Variants in CDH3 observed in about 807,000 individuals in gnomAD.
The protein encoded by CDH3 is cadherin 3.
Under a neutral mutation model 82.0 loss-of-function variants are expected in CDH3, and 54 were observed. That is an observed-to-expected ratio of 0.66 (90% confidence interval 0.53 to 0.83). The LOEUF is 0.83. CDH3 is among the 40% of genes least tolerant of loss of function. CDH3 has a pLI of 0.00. For synonymous variants in CDH3, 446 were observed against 437.9 expected (o/e 1.02, Z -0.23); for missense variants, 1,054 against 1,084.6 (o/e 0.97, Z 0.40).
downstream of CDH3, among the ~76,000 whole-genome samples, chr16:68,731,351 A>G (rs1206287602): frequency 2.0e-5 from 2 of 97,796 alleles, no homozygotes; most frequent in East Asian, 3.1e-4. Context: ...CTGGGCAACA[A>G]GAGTGAAACT....
intron 2 of CDH3, among the ~76,000 whole-genome samples, chr16:68,669,331 A>G (rs1298505892): frequency 6.6e-6 from 1 of 152,172 alleles, no homozygotes; most frequent in Non-Finnish European, 1.5e-5. Context: ...CCCAACTCAA[A>G]GCAGTTTAGA....
At chr16:68,648,583 C>A (rs1960148063) in intron 2 of CDH3, among the ~76,000 whole-genome samples, 1 of 152,056 alleles carries the variant, frequency 6.6e-6, no homozygotes, top group Non-Finnish European at 1.5e-5. Context: ...TCCCAAGTAG[C>A]TGAGACCACA....
intron 2 of CDH3, among the ~76,000 whole-genome samples, chr16:68,663,010 A>G (rs1960634729): frequency 6.7e-6 from 1 of 150,186 alleles, no homozygotes; most frequent in Non-Finnish European, 1.5e-5. Context: ...CTGGGACTAC[A>G]GGTGCCTGCC....
In CDH3 at chr16:68,684,586, T is replaced by C. The variant is rs751062553; in HGVS notation, c.1186T>C (p.Leu396=). The C allele has an allele frequency of 6.2e-7, 1 of 1,614,174 alleles. No individual in the cohort carries two copies. Among genetic ancestry groups the C allele is most frequent in the East Asian group, 2.2e-5 (1 of 44,882 alleles). The change falls in exon 10 of 16, where the codon TTG becomes CTG. Residue 396 remains leucine (L), a synonymous_variant. Coordinates refer to ENST00000264012, the MANE Select transcript of CDH3 (RefSeq NM_001793.6). ...CCTTCTTCCTCTTCTCTCCTAGGGTTTGGATTTTGAGGCCAAAAACCAGCA... is the reference window on the plus strand; with the variant it reads ...CCTTCTTCCTCTTCTCTCCTAGGGTCTGGATTTTGAGGCCAAAAACCAGCA... The part of the protein sequence containing the change: ...NQGILTTRKG[L]DFEAKNQHTL...
intron 7 of CDH3, 115 bp downstream of exon 7, chr16:68,680,089 C>T: frequency 9.9e-7 from 1 of 1,008,554 alleles, no homozygotes; most frequent in Non-Finnish European, 1.6e-6. Flanking sequence ...ACAGTGAGGA[C>T]CCACGTCAGC....
intron 2 of CDH3, among the ~76,000 whole-genome samples, chr16:68,674,147 C>T (rs1374298405): frequency 1.3e-5 from 2 of 152,210 alleles, no homozygotes; most frequent in Admixed American, 6.5e-5. Context: ...CACATTCCCA[C>T]CAGCAGTGTA....
intron 2 of CDH3, among the ~76,000 whole-genome samples, chr16:68,671,521 CTTTTTTT>C (rs34475405): frequency 8.2e-6 from 1 of 122,012 alleles, no homozygotes; most frequent in African/African-American, 3.0e-5. Context: ...TTCATTTTAC[CTTTTTTT>C]TTTTTTTTTT....
chr16:68,660,845 G>T (rs188617301), intron 2 of CDH3, among the ~76,000 whole-genome samples: 1 of 152,192 alleles, frequency 6.6e-6, no homozygotes, highest in Admixed American at 6.5e-5. Flanking sequence ...TGTAGTCCCA[G>T]CTATTTGGGA....
intron 2 of CDH3, among the ~76,000 whole-genome samples, chr16:68,647,310 T>C (rs1960101844): frequency 1.5e-5 from 2 of 133,166 alleles, no homozygotes; most frequent in Non-Finnish European, 1.5e-5. Flanking sequence ...GAATAGGCTA[T>C]AGCCTTGAGT....
chr16:68,679,030 G>A, intron 6 of CDH3, 124 bp downstream of exon 6: 1 of 990,576 alleles, frequency 1.0e-6, no homozygotes, highest in Admixed American at 2.1e-5. Flanking sequence ...TAAAAATCCA[G>A]ATTTCCCCCC....
chr16:68,657,744 G>A (rs950090662), intron 2 of CDH3, among the ~76,000 whole-genome samples: 4 of 152,158 alleles, frequency 2.6e-5, no homozygotes, highest in Non-Finnish European at 5.9e-5. Context: ...GGCTAAATGG[G>A]GAGATGGGGA....
intron 8 of CDH3, among the ~76,000 whole-genome samples, chr16:68,681,944 G>T (rs756266597): frequency 6.6e-6 from 1 of 152,178 alleles, no homozygotes; most frequent in African/African-American, 2.4e-5. Flanking sequence ...CAGTGCCCCA[G>T]CCCATTCAGG....
chr16:68,707,720 C>T lies in CDH3; in HGVS notation c.99+11797C>T, dbSNP rs1380467252. 6.6e-6 allele frequency among the ~76,000 whole-genome samples: 1 copy of T among 152,104 alleles called. No individual in the cohort carries two copies. Among genetic ancestry groups the T allele is most frequent in the Non-Finnish European group, 1.5e-5 (1 of 67,998 alleles). ...AGCCTGCAGTGCAGTTGGGGATCGC[C>T]AGGTGGTCACTGCCAGCCTTGTCCT... On this transcript the variant is annotated intron_variant, in intron 1 of 2. Transcript: ENST00000569080. This position sits in a 1 kb window ranked among gnomAD's most constrained non-coding sequence, Gnocchi z 4.5.
intron 1 of CDH3, among the ~76,000 whole-genome samples, chr16:68,719,845 T>C (rs1226505936): frequency 6.6e-6 from 1 of 152,108 alleles, no homozygotes; most frequent in Non-Finnish European, 1.5e-5. Context: ...ATACAACTGC[T>C]TGTGTCTGTC....
intron 1 of CDH3, among the ~76,000 whole-genome samples, chr16:68,712,437 T>C (rs1213846914): frequency 6.6e-6 from 1 of 152,114 alleles, no homozygotes; most frequent in Non-Finnish European, 1.5e-5. Context: ...GCAACAATAA[T>C]AATAATGGTC....
intron 1 of CDH3, among the ~76,000 whole-genome samples, chr16:68,714,125 G>A (rs998513552): frequency 3.3e-5 from 5 of 151,958 alleles, no homozygotes; most frequent in African/African-American, 1.2e-4. Context: ...GTAGAGACGG[G>A]GTTTCATTAT....
downstream of CDH3, among the ~76,000 whole-genome samples, chr16:68,704,473 C>T (rs1014913042): frequency 3.3e-5 from 5 of 152,160 alleles, no homozygotes; most frequent in Non-Finnish European, 4.4e-5. Flanking sequence ...CAGGGAGTGC[C>T]TGTGTCAGGT....
chr16:68,722,760 G>A (rs1342872995), intron 2 of CDH3: 1 of 152,332 alleles, frequency 6.6e-6, no homozygotes, highest in Non-Finnish European at 1.5e-5. Flanking sequence ...GTGGACAGTG[G>A]AGGGAGTGGG....
chr16:68,708,701 C>T (rs769893744), intron 1 of CDH3, among the ~76,000 whole-genome samples: 1 of 151,102 alleles, frequency 6.6e-6, no homozygotes, highest in Admixed American at 6.6e-5. Context: ...TGGAGTACAG[C>T]GGCATGATCT....
Sources: allele counts gnomAD v4.1 joint callset (sites outside exome capture counted in the v4.1 genomes callset), GRCh38; gene constraint gnomAD v4.1.1; non-coding constraint Gnocchi (gnomAD v3.1); transcripts MANE v1.5; gene names NCBI Gene and HGNC (gene_info 2026-07-23, HGNC 2026-07-21).